Variants in KCTD15 observed in about 807,000 individuals in gnomAD.
KCTD15 encodes the protein BTB/POZ domain-containing protein KCTD15.
KCTD15 carries 11 observed loss-of-function variants against 27.2 expected under a neutral mutation model. That is an observed-to-expected ratio of 0.41 (90% CI 0.25 to 0.67). The LOEUF (loss-of-function observed/expected upper bound fraction) is 0.67. Ranked by LOEUF, KCTD15 falls within the 30% of genes least tolerant of loss-of-function variation. The pLI is 0.35. For missense variants in KCTD15, 350 were observed against 409.3 expected, an observed-to-expected ratio of 0.86 and a Z score of 1.25; for synonymous variants, 163 against 176.0, an observed-to-expected ratio of 0.93 and a Z score of 0.58.
At chr19:33,801,571 A>G (rs1975547418) in intron 4 of KCTD15, 2 of 432,164 alleles carry the variant, frequency 4.6e-6, no homozygotes, top group Admixed American at 4.2e-5. Context: ...TTGGTAGTGC[A>G]AGGTGGAGCT....
chr19:33,794,214 T>C (rs1206740531), upstream of KCTD15, among the ~76,000 whole-genome samples: 1 of 152,198 alleles, frequency 6.6e-6, no homozygotes, highest in African/African-American at 2.4e-5. Context: ...TTTTGAAGTG[T>C]CATATTAAAA....
Position 33,811,237 on chromosome 19 carries a change from C to T in KCTD15, c.388-10C>T. On this transcript the variant is annotated splice_polypyrimidine_tract_variant and intron_variant, in intron 5 of 6. Coordinates refer to ENST00000683859, the MANE Select transcript of KCTD15 (RefSeq NM_001129994.2). Reference sequence around the variant, plus strand: ...ACACCCACATCAACACCCTGTGCGCCTGTCCCCAGGACTTCAGTCTGCTGT... The same window carrying T: ...ACACCCACATCAACACCCTGTGCGCTTGTCCCCAGGACTTCAGTCTGCTGT... The T allele has an allele frequency of 2.7e-6, 4 of 1,490,648 alleles. No individual in the cohort carries two copies. The East Asian group carries it at 9.9e-5, about 37-fold the overall frequency. 92.3% of individuals were successfully genotyped at this position (1,490,648 alleles called of 1,614,324 possible). A position where few individuals can be genotyped will look rare whatever the true frequency, so the allele number is the denominator to read the frequency against.
chr19:33,811,661 C>G, intron 6 of KCTD15, 109 bp downstream of exon 6: 2 of 1,505,732 alleles, frequency 1.3e-6, no homozygotes, highest in Middle Eastern at 1.8e-4. Flanking sequence ...GTGAAGCCCC[C>G]CGTGCCATCC....
chr19:33,802,915 C>T (rs1342017992), intron 4 of KCTD15, among the ~76,000 whole-genome samples: 1 of 152,216 alleles, frequency 6.6e-6, no homozygotes, highest in African/African-American at 2.4e-5. Flanking sequence ...AGAGGCTTCT[C>T]ATTCTGGGCT....
At chr19:33,811,635 C>A (rs560059470) in intron 6 of KCTD15, 83 bp downstream of exon 6, 3 of 1,527,648 alleles carry the variant, frequency 2.0e-6, no homozygotes, top group East Asian at 2.3e-5. Context: ...TGGAGGGAGG[C>A]GCGATCCCTG....
At chr19:33,797,282 GT>G (rs1975362268) in intron 1 of KCTD15, 1 of 94,226 alleles carries the variant, frequency 1.1e-5, no homozygotes, top group Admixed American at 1.2e-4. Context: ...GTGTGTGTGT[GT>G]GCGCGCGCGC....
chr19:33,811,212 A>G, intron 5 of KCTD15, 35 bp from the exon 6 acceptor site: 2 of 845,712 alleles, frequency 2.4e-6, no homozygotes, highest in Non-Finnish European at 1.6e-6. Context: ...CCCTACTCCG[A>G]CACCCACATC....
chr19:33,811,177 T>TGCCCCCCCCC, intron 5 of KCTD15, 70 bp from the exon 6 acceptor site: 1 of 786,088 alleles, frequency 1.3e-6, no homozygotes, highest in Non-Finnish European at 1.9e-6. Flanking sequence ...GCAGGCCGCC[T>TGCCCCCCCCC]CCCCTCTCCC....
At chr19:33,802,000 A>G (rs1306748751) in intron 4 of KCTD15, among the ~76,000 whole-genome samples, 1 of 152,018 alleles carries the variant, frequency 6.6e-6, no homozygotes, top group Non-Finnish European at 1.5e-5. Flanking sequence ...GCTCACAGGC[A>G]CCCTCCATGC....
intron 4 of KCTD15, among the ~76,000 whole-genome samples, chr19:33,802,556 C>T (rs958889665): frequency 3.9e-5 from 6 of 152,068 alleles, no homozygotes; most frequent in African/African-American, 1.4e-4. Flanking sequence ...CAGATGGTGA[C>T]TGGTGTTCCA....
chr19:33,810,047 A>C (rs1975840785), intron 5 of KCTD15, among the ~76,000 whole-genome samples: 1 of 152,194 alleles, frequency 6.6e-6, no homozygotes, highest in South Asian at 2.1e-4. Flanking sequence ...AGCAGGTGGA[A>C]GGGACTTAGG....
chr19:33,811,312 G>C lies in KCTD15; in HGVS notation c.453G>C (p.Glu151Asp). 1 of 1,550,454 alleles carries C rather than the reference G, an allele frequency of 6.4e-7. No individual in the cohort carries two copies. Among genetic ancestry groups the C allele is most frequent in the Non-Finnish European group, 8.7e-7 (1 of 1,147,164 alleles). The change falls in exon 6 of 7, where the codon GAG (glutamate) becomes GAC (aspartate). Residue 151 changes from glutamate (E) to aspartate (D), a missense_variant. Glu to Asp is a conservative substitution (Grantham distance 45). Transcript: ENST00000683859. ...YQLQPMVRELERWQQEQEQRR... is the reference protein window; with the variant it reads ...YQLQPMVRELDRWQQEQEQRR... Reference sequence around the variant, plus strand: ...TCCAGCCCATGGTGCGCGAGCTGGAGCGCTGGCAGCAGGAGCAGGAGCAGC... The same window carrying C: ...TCCAGCCCATGGTGCGCGAGCTGGACCGCTGGCAGCAGGAGCAGGAGCAGC...
At chr19:33,797,267 TGTGTGTGTGTGTGTGTGCGC>T (rs1270161096) in intron 1 of KCTD15, 15 of 301,016 alleles carry the variant, frequency 5.0e-5, no homozygotes, top group African/African-American at 4.3e-4. Flanking sequence ...TGTGTGTGTG[TGTGTGTGTGTGTGTGTGCGC>T]GCGCGCGCGC....
At chr19:33,797,329 CCT>C (rs1975367882) in intron 1 of KCTD15, 2 of 428,026 alleles carry the variant, frequency 4.7e-6, no homozygotes, top group Non-Finnish European at 9.4e-6. Flanking sequence ...CACTCTGGCC[CCT>C]GTTCTGGGCC....
At chr19:33,795,734 G>T (rs1157192957), upstream of KCTD15, among the ~76,000 whole-genome samples, 1 of 152,136 alleles carries the variant, frequency 6.6e-6, no homozygotes, top group Non-Finnish European at 1.5e-5. Context: ...AGGAAGGGGC[G>T]GCCGAAGCGG....
upstream of KCTD15, among the ~76,000 whole-genome samples, chr19:33,794,448 GTA>G (rs1277417504): frequency 1.7e-3 from 261 of 152,286 alleles, no homozygotes; most frequent in African/African-American, 5.9e-3. Flanking sequence ...TAATTTATAT[GTA>G]TATATTCACC....
Position 33,813,640 on chromosome 19 carries a change from G to A in KCTD15, c.*692G>A, listed in dbSNP as rs1431231784. Reference sequence around the variant, plus strand: ...ACCTTCACGTTTGCTGCCGTTGGGGGCTCAGGCTGCACTCCCCGGGTCACC... The same window carrying A: ...ACCTTCACGTTTGCTGCCGTTGGGGACTCAGGCTGCACTCCCCGGGTCACC... On this transcript the variant is annotated 3_prime_UTR_variant, in exon 7 of 7. Transcript: ENST00000683859. 3.1e-6 allele frequency: 1 copy of A among 324,900 alleles called. No individual in the cohort carries two copies. Among genetic ancestry groups the A allele is most frequent in the South Asian group, 2.3e-5 (1 of 43,060 alleles). 20.1% of individuals were successfully genotyped at this position (324,900 alleles called of 1,614,324 possible). A position where few individuals can be genotyped will look rare whatever the true frequency, so the allele number is the denominator to read the frequency against.
intron 4 of KCTD15, among the ~76,000 whole-genome samples, chr19:33,802,077 C>T (rs1404097159): frequency 1.3e-5 from 2 of 152,188 alleles, no homozygotes; most frequent in African/African-American, 4.8e-5. Context: ...GTGCTGCCAG[C>T]TCTCCTGCTC....
intron 4 of KCTD15, 160 bp downstream of exon 4, chr19:33,801,502 C>G (rs960822232): frequency 3.4e-6 from 2 of 588,938 alleles, no homozygotes; most frequent in African/African-American, 3.8e-5. Flanking sequence ...GTTGGGGAGT[C>G]CAAGTCTGCC....
Sources: gnomAD v4.1 joint callset for allele counts (sites outside exome capture counted in the v4.1 genomes callset) on GRCh38, gnomAD v4.1.1 for gene constraint, MANE v1.5 for transcripts, NCBI Gene and HGNC (gene_info 2026-07-23, HGNC 2026-07-21) for gene names.